COL4A2: variants seen among roughly 807,000 people sequenced by gnomAD.
COL4A2 encodes collagen alpha-2(IV) chain.
COL4A2 carries 99 observed loss-of-function variants against 200.2 expected under a neutral mutation model. The ratio of observed to expected loss-of-function variants is 0.49; its 90% confidence interval spans 0.42 to 0.58. The LOEUF is 0.58. Ranked by LOEUF, COL4A2 falls within the 20% of genes least tolerant of loss-of-function variation. COL4A2 has a pLI of 0.00. For synonymous variants in COL4A2, 897 were observed against 900.6 expected (o/e 1.00, Z 0.07); for missense variants, 1,950 against 2,314.1 (o/e 0.84, Z 3.23).
At chr13:110,461,627 T>G (rs1882029302) in intron 22 of COL4A2, among the ~76,000 whole-genome samples, 1 of 152,266 alleles carries the variant, frequency 6.6e-6, no homozygotes, top group Middle Eastern at 3.4e-3. Context: ...TTCAAGTGAC[T>G]CTCCTGCCTC....
chr13:110,492,899 A>G (rs78007678), intron 38 of COL4A2, among the ~76,000 whole-genome samples: 2,494 of 152,226 alleles, frequency 0.016, 64 homozygotes, highest in African/African-American at 0.056. Context: ...GCTGCTTCCT[A>G]TTTGTGGGGC....
chr13:110,430,686 A>G, intron 10 of COL4A2, 79 bp downstream of exon 10: 1 of 1,572,974 alleles, frequency 6.4e-7, no homozygotes, highest in Non-Finnish European at 8.7e-7. Context: ...TCAATGGTTG[A>G]CTCCAGATGA....
intron 3 of COL4A2, among the ~76,000 whole-genome samples, chr13:110,314,879 T>C (rs2139344044): frequency 6.6e-6 from 1 of 152,292 alleles, no homozygotes; most frequent in Admixed American, 6.5e-5. Flanking sequence ...GGTGGAGGAC[T>C]TAGGCCTCCT....
rs34497985 is a variant in COL4A2, at chr13:110,493,819, T to TGG, written c.3634+544_3634+545dup. 3.5e-3 allele frequency among the ~76,000 whole-genome samples: 527 copies of TGG among 151,562 alleles called. 4 individuals carry two copies. The highest frequency in any genetic ancestry group is 3.8e-3 in the Non-Finnish European group (256 of 67,842). ...TCAGCATGCCAGCGTGGTCGGGTTC[T>TGG]GGGGGGGGCCGCGTCCTGGCTGCTC... On this transcript the variant is annotated intron_variant, in intron 39 of 47. Coordinates refer to ENST00000360467, the MANE Select transcript of COL4A2 (RefSeq NM_001846.4).
At chr13:110,362,277 A>G (rs1018286525) in intron 4 of COL4A2, among the ~76,000 whole-genome samples, 2 of 152,178 alleles carry the variant, frequency 1.3e-5, no homozygotes, top group Non-Finnish European at 2.9e-5. Context: ...AGCATATTGG[A>G]ATAATTATAA....
chr13:110,474,011 C>G, intron 29 of COL4A2, among the ~76,000 whole-genome samples: 1 of 152,114 alleles, frequency 6.6e-6, no homozygotes, highest in East Asian at 1.9e-4. Flanking sequence ...CCTGTAATCC[C>G]AACTACATGG....
intron 3 of COL4A2, among the ~76,000 whole-genome samples, chr13:110,350,823 T>C (rs1368770334): frequency 1.3e-5 from 2 of 152,190 alleles, no homozygotes; most frequent in Non-Finnish European, 2.9e-5. Flanking sequence ...CACAGCACAC[T>C]TGCCATGGCG....
chr13:110,460,563 G>C (rs543819594), intron 22 of COL4A2, among the ~76,000 whole-genome samples: 1 of 152,278 alleles, frequency 6.6e-6, no homozygotes, highest in South Asian at 2.1e-4. Context: ...CCCCTGAAAT[G>C]TCTAAAACCT....
At chr13:110,507,654 G>A (rs1652365758) in intron 46 of COL4A2, 3 of 539,200 alleles carry the variant, frequency 5.6e-6, no homozygotes, top group Non-Finnish European at 1.0e-5. Flanking sequence ...CACCCAAAAT[G>A]CTATTCCATG....
At position 110,484,893 on chromosome 13, in the gene COL4A2, A is replaced by T; in HGVS notation, c.2903-12A>T. The T allele has an allele frequency of 6.2e-7, 1 of 1,602,116 alleles. No individual in the cohort carries two copies. Among genetic ancestry groups the T allele is most frequent in the Non-Finnish European group, 8.5e-7 (1 of 1,173,316 alleles). ...AGCCCCCAGAAAATGACAGCACTCT[A>T]TTCCCTTCCAGGCAGCCGAGGGGAC... On this transcript the variant is annotated splice_polypyrimidine_tract_variant and intron_variant, in intron 32 of 47. Transcript: ENST00000360467.
intron 45 of COL4A2, among the ~76,000 whole-genome samples, chr13:110,505,651 G>A (rs1594115990): frequency 1.3e-5 from 2 of 152,298 alleles, no homozygotes; most frequent in African/African-American, 2.4e-5. Context: ...CTGCTGTGCT[G>A]GAGGCAGATG....
chr13:110,349,870 T>G (rs541422296), intron 3 of COL4A2, among the ~76,000 whole-genome samples: 36 of 152,298 alleles, frequency 2.4e-4, no homozygotes, highest in African/African-American at 8.2e-4. Flanking sequence ...TTGAAGTGAT[T>G]CTTGTGTCTC....
At chr13:110,372,983 C>G in intron 4 of COL4A2, among the ~76,000 whole-genome samples, 1 of 152,152 alleles carries the variant, frequency 6.6e-6, no homozygotes, top group East Asian at 1.9e-4. Flanking sequence ...AGCTGTGTAC[C>G]CATTTCTTAC....
intron 45 of COL4A2, among the ~76,000 whole-genome samples, chr13:110,505,213 G>A (rs952118504): frequency 6.6e-6 from 1 of 152,168 alleles, no homozygotes; most frequent in South Asian, 2.1e-4. Context: ...AGCCGGGCGT[G>A]GTGGCGGGCG....
chr13:110,395,837 C>G (rs950692037), intron 4 of COL4A2, among the ~76,000 whole-genome samples: 1 of 152,100 alleles, frequency 6.6e-6, no homozygotes, highest in Admixed American at 6.5e-5. Flanking sequence ...CCCAGCTACT[C>G]GGAAGTTTGA....
At chr13:110,343,680 C>T (rs986402344) in intron 3 of COL4A2, among the ~76,000 whole-genome samples, 6 of 152,250 alleles carry the variant, frequency 3.9e-5, no homozygotes, top group Non-Finnish European at 5.9e-5. Context: ...CCGGGCAGCG[C>T]AGCGCTGCTG....
chr13:110,432,650 G>A (rs1880725159), intron 11 of COL4A2, among the ~76,000 whole-genome samples: 1 of 152,220 alleles, frequency 6.6e-6, no homozygotes, highest in East Asian at 1.9e-4. Flanking sequence ...TTGAAACGAA[G>A]ATTAGAACAA....
intron 4 of COL4A2, among the ~76,000 whole-genome samples, chr13:110,364,770 C>G (rs1877670945): frequency 6.6e-6 from 1 of 152,186 alleles, no homozygotes; most frequent in African/African-American, 2.4e-5. Context: ...TCTCTCCACT[C>G]TCCCCAGATC....
intron 3 of COL4A2, among the ~76,000 whole-genome samples, chr13:110,340,321 TG>T (rs1279458172): frequency 6.6e-6 from 1 of 152,156 alleles, no homozygotes; most frequent in Non-Finnish European, 1.5e-5. Flanking sequence ...TTCACCATCT[TG>T]GCCAGGCTGG....
Sources: gnomAD v4.1 joint callset for allele counts (sites outside exome capture counted in the v4.1 genomes callset) on GRCh38, gnomAD v4.1.1 for gene constraint, MANE v1.5 for transcripts, NCBI Gene and HGNC (gene_info 2026-07-23, HGNC 2026-07-21) for gene names.